Variants in CCDC125 observed in about 807,000 individuals in gnomAD.
CCDC125 encodes the protein coiled-coil domain containing 125.
In CCDC125, 43 loss-of-function variants were observed where a neutral mutation model predicts 57.4. That is an observed-to-expected ratio of 0.75 (90% CI 0.59 to 0.97). The LOEUF (loss-of-function observed/expected upper bound fraction) is 0.97. Ranked by LOEUF, CCDC125 falls within the 50% of genes least tolerant of loss-of-function variation. CCDC125 has a pLI of 0.00. For missense variants in CCDC125, 563 were observed against 595.7 expected (o/e 0.95, Z 0.57); for synonymous variants, 187 against 195.2 (o/e 0.96, Z 0.35).
chr5:69,276,433 G>T, downstream of CCDC125: 2 of 880,272 alleles, frequency 2.3e-6, no homozygotes, highest in East Asian at 5.1e-5. Context: ...TTGGGAATGA[G>T]GGCATTCACA....
chr5:69,288,726 C>CAGAGCA (rs1183297565), intron 10 of CCDC125, among the ~76,000 whole-genome samples: 1 of 152,204 alleles, frequency 6.6e-6, no homozygotes. Flanking sequence ...GCAGAGACAA[C>CAGAGCA]TCTGTGCTTT....
intron 5 of CCDC125, 90 bp from the exon 6 acceptor site, chr5:69,306,992 A>G: frequency 7.7e-7 from 1 of 1,298,426 alleles, no homozygotes; most frequent in Non-Finnish European, 9.9e-7. Flanking sequence ...TCATATAATC[A>G]GTTCTCAGAA....
Position 69,330,456 on chromosome 5 carries a change from C to T in CCDC125, c.-41+2193G>A, listed in dbSNP as rs1237993434. Reference sequence around the variant, plus strand: ...TAAAAATACAAAAATTAGCTGGGCACGGTGGTGTGCACCTGTAGTCCCAGC... The same window carrying T: ...TAAAAATACAAAAATTAGCTGGGCATGGTGGTGTGCACCTGTAGTCCCAGC... On this transcript the variant is annotated intron_variant, in intron 1 of 11. Transcript: ENST00000396496. Among the ~76,000 whole-genome samples, 5 of 151,762 alleles carry T rather than the reference C, an allele frequency of 3.3e-5. No homozygotes were observed. In the South Asian group the frequency reaches 8.3e-4, roughly 25 times the overall value.
downstream of CCDC125, chr5:69,277,273 G>A: frequency 2.1e-6 from 1 of 482,694 alleles, no homozygotes; most frequent in Non-Finnish European, 3.6e-6. Context: ...AAAACTATGG[G>A]TTATTTTTAT....
intron 10 of CCDC125, among the ~76,000 whole-genome samples, chr5:69,291,280 T>C (rs1754408028): frequency 6.6e-6 from 1 of 152,160 alleles, no homozygotes; most frequent in African/African-American, 2.4e-5. Flanking sequence ...AGCTACTTTG[T>C]TCATACTGGA....
chr5:69,288,612 G>A lies in CCDC125; in HGVS notation c.1100-3145C>T, dbSNP rs141581551. 3.3e-3 allele frequency among the ~76,000 whole-genome samples: 502 copies of A among 152,282 alleles called. 2 individuals are homozygous for A. Among genetic ancestry groups the A allele is most frequent in the African/African-American group, 0.012 (483 of 41,550 alleles). On this transcript the variant is annotated intron_variant, in intron 10 of 11. Transcript: ENST00000396496. ...GATCCTTTATAATAAACTGGTAAAC[G>A]GAAGTGTTTCCCGGAGTTCTGTGAG...
chr5:69,314,477 TATAAC>T (rs748567759), intron 2 of CCDC125, among the ~76,000 whole-genome samples: 7 of 151,476 alleles, frequency 4.6e-5, no homozygotes, highest in Non-Finnish European at 8.8e-5. Flanking sequence ...AAAAAAAAAT[TATAAC>T]AGACCAAATT....
chr5:69,307,800 T>C lies in CCDC125; in HGVS notation c.531+151A>G, dbSNP rs1168068951. 6 of 626,064 alleles carry C rather than the reference T, an allele frequency of 9.6e-6. No homozygotes were observed. In the East Asian group the frequency reaches 1.6e-4, roughly 17 times the overall value. The allele number at this position is 626,064 out of a possible 1,614,324, so 38.8% of individuals were successfully genotyped here. Reference sequence around the variant, plus strand: ...TGTGCACATGACAATCTGTTTTAGATTGTAAACTCCAAAAGGGAAGACCAT... The same window carrying C: ...TGTGCACATGACAATCTGTTTTAGACTGTAAACTCCAAAAGGGAAGACCAT... On this transcript the variant is annotated intron_variant, in intron 5 of 11. Transcript: ENST00000396496.
At chr5:69,309,830 G>A (rs887140776) in intron 4 of CCDC125, 1 of 152,424 alleles carries the variant, frequency 6.6e-6, no homozygotes, top group Non-Finnish European at 1.5e-5. Context: ...CAAAGCCACA[G>A]GGGCGGAGCT....
At chr5:69,298,012 AAAAAT>A (rs990951190) in intron 8 of CCDC125, among the ~76,000 whole-genome samples, 97 of 139,216 alleles carry the variant, frequency 7.0e-4, no homozygotes, top group Non-Finnish European at 1.0e-3. Context: ...AAATTAAACT[AAAAAT>A]AAAGTTTTTT....
chr5:69,329,091 C>T (rs980467503), intron 1 of CCDC125, among the ~76,000 whole-genome samples: 3 of 152,116 alleles, frequency 2.0e-5, no homozygotes, highest in Admixed American at 2.0e-4. Context: ...CCACGCCCGG[C>T]CTACCTTTGA....
chr5:69,324,502 T>C (rs1760479045), intron 1 of CCDC125, among the ~76,000 whole-genome samples: 1 of 152,232 alleles, frequency 6.6e-6, no homozygotes, highest in Non-Finnish European at 1.5e-5. Context: ...CCCATGTCCG[T>C]ACAAAGATGT....
At chr5:69,316,733 G>A (rs1223721716) in intron 2 of CCDC125, among the ~76,000 whole-genome samples, 1 of 151,836 alleles carries the variant, frequency 6.6e-6, no homozygotes, top group Non-Finnish European at 1.5e-5. Flanking sequence ...GGCTGGTGTC[G>A]AACTCCTGGC....
At chr5:69,310,691 G>C (rs1422058944) in intron 4 of CCDC125, 1 of 155,632 alleles carries the variant, frequency 6.4e-6, no homozygotes, top group Non-Finnish European at 1.4e-5. Flanking sequence ...GCTACGACAT[G>C]TATGAACCTC....
chr5:69,300,364 A>G (rs1756191373), intron 7 of CCDC125, among the ~76,000 whole-genome samples: 1 of 152,170 alleles, frequency 6.6e-6, no homozygotes, highest in Non-Finnish European at 1.5e-5. Context: ...TTGCAACTGA[A>G]GTCGGATTCC....
intron 1 of CCDC125, among the ~76,000 whole-genome samples, chr5:69,324,946 A>G (rs976390829): frequency 2.0e-5 from 3 of 152,352 alleles, no homozygotes; most frequent in Non-Finnish European, 4.4e-5. Flanking sequence ...GTTGCTTGGC[A>G]TTGGAGAAAT....
chr5:69,275,801 C>G (rs7716060), downstream of CCDC125, among the ~76,000 whole-genome samples: 1,549 of 152,168 alleles, frequency 0.01, 113 homozygotes, highest in East Asian at 0.2. Flanking sequence ...TAGCAAGACC[C>G]CATTCTCCAC....
At chr5:69,305,377 T>C (rs961283499) in intron 6 of CCDC125, among the ~76,000 whole-genome samples, 1 of 152,050 alleles carries the variant, frequency 6.6e-6, no homozygotes, top group African/African-American at 2.4e-5. Flanking sequence ...CACGCCCAGT[T>C]AATTTTTGTA....
intron 1 of CCDC125, among the ~76,000 whole-genome samples, chr5:69,326,328 C>T (rs1166678340): frequency 6.6e-6 from 1 of 152,164 alleles, no homozygotes; most frequent in Non-Finnish European, 1.5e-5. Context: ...GATTCTGGAT[C>T]CACTTTTTCC....
Sources: allele counts gnomAD v4.1 joint callset (sites outside exome capture counted in the v4.1 genomes callset), GRCh38; gene constraint gnomAD v4.1.1; transcripts MANE v1.5; gene names NCBI Gene and HGNC (gene_info 2026-07-23, HGNC 2026-07-21).